The following CASK variants were observed in gnomAD, a reference collection of about 807,000 sequenced individuals.
CASK encodes peripheral plasma membrane protein CASK.
CASK carries 4 observed loss-of-function variants against 82.9 expected under a neutral mutation model. That is an observed-to-expected ratio of 0.05 (90% CI 0.02 to 0.11). CASK has a LOEUF of 0.11. Among genes scored for constraint, CASK ranks in the 10% least tolerant of loss-of-function variants. The pLI is 1.00. For missense variants in CASK, 358 were observed against 720.9 expected (o/e 0.50, Z 5.76); for synonymous variants, 259 against 253.5 (o/e 1.02, Z -0.20).
intron 5 of CASK, among the ~76,000 whole-genome samples, chrX:41,732,845 C>T (rs1447991484): frequency 9.2e-6 from 1 of 109,079 alleles, no homozygotes; most frequent in Non-Finnish European, 1.9e-5. Flanking sequence ...ATCCTCCTGC[C>T]TCAGCCTCTC....
chrX:41,890,785 G>A (rs1191881081), intron 1 of CASK, among the ~76,000 whole-genome samples: 3 of 111,826 alleles, frequency 2.7e-5, no homozygotes, highest in Non-Finnish European at 5.6e-5. Flanking sequence ...TAGTACATAT[G>A]AGCCCATGAA....
At chrX:41,609,879 A>G in intron 12 of CASK, 25 bp downstream of exon 12, 1 of 1,205,542 alleles carries the variant, frequency 8.3e-7, no homozygotes, top group South Asian at 1.8e-5. Context: ...ACCAAAAAAG[A>G]AGAATAATAA....
At chrX:41,718,667 C>CT (rs1461394497) in intron 5 of CASK, among the ~76,000 whole-genome samples, 1 of 111,497 alleles carries the variant, frequency 9.0e-6, no homozygotes, top group Non-Finnish European at 1.9e-5. Flanking sequence ...GATTTTTTTT[C>CT]TTTTTTCTAC....
chrX:41,856,868 T>G (rs1220057568), intron 1 of CASK, among the ~76,000 whole-genome samples: 1 of 109,368 alleles, frequency 9.1e-6, no homozygotes, highest in East Asian at 2.9e-4. Context: ...AAGTGGGTAT[T>G]ATATGAAAAG....
chrX:41,791,616 G>C (rs1478680892), intron 2 of CASK, among the ~76,000 whole-genome samples: 1 of 108,459 alleles, frequency 9.2e-6, no homozygotes, highest in Admixed American at 1.0e-4. Context: ...CCAGCTACTC[G>C]GGAGGCTGAG....
intron 3 of CASK, among the ~76,000 whole-genome samples, chrX:41,780,997 G>C (rs1334068206): frequency 9.0e-6 from 1 of 110,763 alleles, no homozygotes; most frequent in Non-Finnish European, 1.9e-5. Context: ...CTGGAGTACA[G>C]TGGCATGATC....
At chrX:41,796,587 C>T (rs965218076) in intron 2 of CASK, among the ~76,000 whole-genome samples, 1 of 112,056 alleles carries the variant, frequency 8.9e-6, no homozygotes, top group Non-Finnish European at 1.9e-5. Flanking sequence ...GGGAAAAAAA[C>T]TAGACACACT....
chrX:41,659,746 C>T (rs1472813233), intron 8 of CASK, among the ~76,000 whole-genome samples: 1 of 111,196 alleles, frequency 9.0e-6, no homozygotes, highest in Admixed American at 9.5e-5. Flanking sequence ...TGCCTGTAAT[C>T]CCAGCACTTT....
At chrX:41,779,294 GT>G (rs761725420) in intron 3 of CASK, among the ~76,000 whole-genome samples, 2 of 112,342 alleles carry the variant, frequency 1.8e-5, no homozygotes, top group East Asian at 5.6e-4. Flanking sequence ...AGCTTCCCTG[GT>G]TGGCACCATT....
At chrX:41,727,100 T>G in intron 5 of CASK, 7 of 1,174,766 alleles carry the variant, frequency 6.0e-6, no homozygotes, top group Non-Finnish European at 8.1e-6. Flanking sequence ...TACATCCTCC[T>G]TTGTATTGTT....
intron 1 of CASK, among the ~76,000 whole-genome samples, chrX:41,857,328 A>C (rs948448364): frequency 1.8e-5 from 2 of 111,008 alleles, no homozygotes; most frequent in African/African-American, 6.6e-5. Context: ...AGATATTGCC[A>C]AATATCCTCC....
At chrX:41,657,965 G>A (rs1017743005) in intron 8 of CASK, among the ~76,000 whole-genome samples, 2 of 110,546 alleles carry the variant, frequency 1.8e-5, no homozygotes, top group Non-Finnish European at 3.8e-5. Context: ...GTAGGGGAGA[G>A]GTACCAAAGG....
chrX:41,745,047 C>T (rs888748049), intron 4 of CASK, among the ~76,000 whole-genome samples: 62 of 112,008 alleles, frequency 5.5e-4, no homozygotes, highest in African/African-American at 1.8e-3. Context: ...GACTGAGTTT[C>T]GCTCTTGTTG....
chrX:41,714,706 C>G (rs752572926), intron 5 of CASK, among the ~76,000 whole-genome samples: 2 of 111,797 alleles, frequency 1.8e-5, no homozygotes, highest in South Asian at 7.6e-4. Context: ...GGGGTATTTA[C>G]TACCTTGCTA....
intron 1 of CASK, among the ~76,000 whole-genome samples, chrX:41,887,088 A>G (rs2072062563): frequency 9.0e-6 from 1 of 111,045 alleles, no homozygotes; most frequent in Non-Finnish European, 1.9e-5. Context: ...GCCAATCTGG[A>G]AATGCCAATT....
At chrX:41,863,440 G>C (rs1198987769) in intron 1 of CASK, among the ~76,000 whole-genome samples, 1 of 111,532 alleles carries the variant, frequency 9.0e-6, no homozygotes, top group Non-Finnish European at 1.9e-5. Context: ...CATCCCCATA[G>C]AAAGACTGTA....
intron 3 of CASK, among the ~76,000 whole-genome samples, chrX:41,779,438 G>A (rs1173295084): frequency 1.8e-5 from 2 of 111,625 alleles, no homozygotes; most frequent in Non-Finnish European, 3.8e-5. Flanking sequence ...ATAAATCATA[G>A]CTGTGAATAT....
chrX:41,922,876 G>A (rs2072811355), intron 1 of CASK, 54 bp downstream of exon 1: 1 of 1,106,917 alleles, frequency 9.0e-7, no homozygotes, highest in Admixed American at 2.2e-5. Context: ...GGAAGACCGG[G>A]GCATCACTGA....
chrX:41,551,943 C>T (rs1455310460), intron 21 of CASK, among the ~76,000 whole-genome samples: 2 of 106,645 alleles, frequency 1.9e-5, no homozygotes, highest in South Asian at 4.3e-4. Flanking sequence ...TTTTATTTCC[C>T]GGACACAGAG....
Sources: gnomAD v4.1 joint callset for allele counts (sites outside exome capture counted in the v4.1 genomes callset) on GRCh38, gnomAD v4.1.1 for gene constraint, MANE v1.5 for transcripts, NCBI Gene and HGNC (gene_info 2026-07-23, HGNC 2026-07-21) for gene names.